Variants in ASPH observed in about 807,000 individuals in gnomAD.
The protein encoded by ASPH is aspartyl/asparaginyl beta-hydroxylase.
Under a neutral mutation model 118.4 loss-of-function variants are expected in ASPH, and 100 were observed. That is an observed-to-expected ratio of 0.84 (90% CI 0.72 to 1.00). ASPH has a LOEUF of 1.00. Among genes scored for constraint, ASPH ranks in the 50% least tolerant of loss-of-function variants. ASPH has a pLI of 0.00. For synonymous variants in ASPH, 315 were observed against 325.6 expected (o/e 0.97, Z 0.35); for missense variants, 920 against 919.5 (o/e 1.00, Z -0.01).
chr8:61,567,247 C>A lies in ASPH; in HGVS notation c.1221G>T (p.Glu407Asp), dbSNP rs777790350. 1.2e-6 allele frequency: 2 copies of A among 1,614,140 alleles called. No homozygotes were observed. Among genetic ancestry groups the A allele is most frequent in the East Asian group, 2.2e-5 (1 of 44,874 alleles). ...CAGGGACATCAGGTAGGCTGGCCAC[C>A]TCTTGGTAGGTCTCGATGGCTCCAC... ...VLRGAIETYQEVASLPDVPAD... is the reference protein window; with the variant it reads ...VLRGAIETYQDVASLPDVPAD... The change falls in exon 17 of 25, where the codon GAG (glutamate) becomes GAT (aspartate). Residue 407 changes from glutamate (E) to aspartate (D), a missense_variant. Physicochemically the swap from Glu to Asp is conservative, Grantham distance 45. Transcript: ENST00000379454.
At chr8:61,701,284 T>C (rs1482765309) in intron 1 of ASPH, among the ~76,000 whole-genome samples, 2 of 152,210 alleles carry the variant, frequency 1.3e-5, no homozygotes, top group African/African-American at 4.8e-5. Context: ...CAGGAAGGTG[T>C]TGAACATACA....
rs560886489 is a variant in ASPH, at chr8:61,581,304, C to T, written c.1062+2640G>A. Among the ~76,000 whole-genome samples the T allele has an allele frequency of 4.1e-4, 62 of 152,332 alleles. 1 individual carries two copies. The Middle Eastern group carries it at 0.027, about 67-fold the overall frequency. ...CTATTGCTCAATTCTAATTTAAAAA[C>T]TCAGCTGCAAGACACAAAATGTTTG... On this transcript the variant is annotated intron_variant, in intron 15 of 24. Coordinates refer to ENST00000379454, the MANE Select transcript of ASPH (RefSeq NM_004318.4).
At chr8:61,625,691 T>A (rs922166843) in intron 13 of ASPH, 14 of 985,060 alleles carry the variant, frequency 1.4e-5, no homozygotes, top group Non-Finnish European at 1.4e-5. Context: ...TTCAAAAGTG[T>A]TAATCTGAAC....
chr8:61,686,755 T>A (rs1287849875), intron 1 of ASPH, among the ~76,000 whole-genome samples: 2 of 151,464 alleles, frequency 1.3e-5, no homozygotes, highest in Non-Finnish European at 3.0e-5. Flanking sequence ...TCAAATTGAA[T>A]TTTTTTTTGG....
intron 3 of ASPH, among the ~76,000 whole-genome samples, chr8:61,672,291 T>C (rs1199345549): frequency 6.6e-6 from 1 of 151,460 alleles, no homozygotes; most frequent in East Asian, 1.9e-4. Flanking sequence ...CTACAGTAAG[T>C]GGGGAACGGA....
At chr8:61,535,139 C>G (rs1019004848) in intron 21 of ASPH, among the ~76,000 whole-genome samples, 5 of 152,330 alleles carry the variant, frequency 3.3e-5, no homozygotes, top group Non-Finnish European at 7.3e-5. Flanking sequence ...CAAACACAGT[C>G]TCTTAATACA....
intron 3 of ASPH, among the ~76,000 whole-genome samples, chr8:61,679,074 T>C (rs925867432): frequency 6.6e-6 from 1 of 152,154 alleles, no homozygotes; most frequent in Admixed American, 6.6e-5. Flanking sequence ...TTGCATTTCA[T>C]GCAGAGAACT....
At chr8:61,567,398 A>G in intron 16 of ASPH, 80 bp from the exon 17 acceptor site, 2 of 1,406,822 alleles carry the variant, frequency 1.4e-6, no homozygotes, top group Admixed American at 2.3e-5. Flanking sequence ...TAAAAAGTTA[A>G]CTTTTGGACA....
rs1804796310 is a variant in ASPH at position 61,500,999 on chromosome 8, CAAT to C, written c.*2357_*2359del. On this transcript the variant is annotated 3_prime_UTR_variant, in exon 25 of 25. Coordinates refer to ENST00000379454, the MANE Select transcript of ASPH (RefSeq NM_004318.4). ...AATTTTTTCCCCTATTGGTAGAGAA[CAAT>C]AACAGAAGTAATTTTTATATTATAC... 2.0e-5 allele frequency: 3 copies of C among 151,882 alleles called. No homozygotes were observed. The South Asian group carries it at 6.2e-4, about 32-fold the overall frequency. The allele number at this position is 151,882 out of a possible 1,614,324, so 9.4% of individuals were successfully genotyped here.
At chr8:61,608,811 C>T (rs1846390789) in intron 14 of ASPH, among the ~76,000 whole-genome samples, 1 of 152,102 alleles carries the variant, frequency 6.6e-6, no homozygotes, top group Non-Finnish European at 1.5e-5. Flanking sequence ...GAACTCTCCC[C>T]CATGTGATTC....
chr8:61,660,048 G>A lies in ASPH; in HGVS notation c.323-6388C>T, dbSNP rs553854077. 12 of 151,802 alleles carry A rather than the reference G, an allele frequency of 7.9e-5. No homozygotes were observed. In the South Asian group the frequency reaches 2.5e-3, roughly 32 times the overall value. 9.4% of individuals were successfully genotyped at this position (151,802 alleles called of 1,614,324 possible). On this transcript the variant is annotated intron_variant, in intron 3 of 24. Coordinates refer to ENST00000379454, the MANE Select transcript of ASPH (RefSeq NM_004318.4). ...AGGAGCACGTGCAAGTTTGCTGCAT[G>A]GGTATATTGCGTGATATTGAAATTT...
chr8:61,684,095 A>G lies in ASPH; in HGVS notation c.197T>C (p.Val66Ala), dbSNP rs761398964. Residue 66 changes from valine to alanine, a missense_variant, in exon 2 of 25, where the codon GTC becomes GCC. Val to Ala is a moderately conservative substitution (Grantham distance 64). Transcript: ENST00000379454. ...TWFMVIALLGVWTSVAVVWFD... is the reference protein window; with the variant it reads ...TWFMVIALLGAWTSVAVVWFD... ...CCAAACGACAGCTACAGATGTCCAG[A>G]CGCCCAGCAATGCAATCACCATAAA... 3.4e-5 allele frequency: 55 copies of G among 1,613,828 alleles called. No individual in the cohort carries two copies. The highest frequency in any genetic ancestry group is 4.7e-5 in the Non-Finnish European group (55 of 1,179,806).
intron 1 of ASPH, among the ~76,000 whole-genome samples, chr8:61,701,343 G>T (rs1437965765): frequency 1.3e-5 from 2 of 152,176 alleles, no homozygotes; most frequent in Non-Finnish European, 2.9e-5. Flanking sequence ...TTAAGCTAGT[G>T]AACTGTGCTC....
intron 1 of ASPH, among the ~76,000 whole-genome samples, chr8:61,690,302 T>C (rs542246333): frequency 3.3e-5 from 5 of 152,056 alleles, no homozygotes; most frequent in South Asian, 2.1e-4. Flanking sequence ...CAGGAATAAT[T>C]CCTCCAACAG....
intron 1 of ASPH, chr8:61,689,898 T>G (rs1832122637): frequency 7.8e-7 from 1 of 1,281,816 alleles, no homozygotes; most frequent in East Asian, 3.1e-5. Flanking sequence ...AGAGGCTAAA[T>G]GCTGCTAATC....
chr8:61,684,619 CT>C (rs1233784245), intron 1 of ASPH: 1 of 156,542 alleles, frequency 6.4e-6, no homozygotes, highest in Non-Finnish European at 1.4e-5. Flanking sequence ...ATATCTCCCC[CT>C]AAACCATTCC....
At chr8:61,585,374 G>A (rs1183429616) in intron 14 of ASPH, among the ~76,000 whole-genome samples, 1 of 152,174 alleles carries the variant, frequency 6.6e-6, no homozygotes, top group Non-Finnish European at 1.5e-5. Flanking sequence ...AGGGAAGGGG[G>A]CAAAGCGGGA....
chr8:61,588,858 G>A (rs960352450), intron 14 of ASPH, among the ~76,000 whole-genome samples: 10 of 152,172 alleles, frequency 6.6e-5, no homozygotes, highest in African/African-American at 1.2e-4. Flanking sequence ...CAGCCCCAAC[G>A]TAGAGAAAAC....
chr8:61,506,467 G>A (rs1021268462), intron 24 of ASPH, among the ~76,000 whole-genome samples: 5 of 152,086 alleles, frequency 3.3e-5, no homozygotes, highest in African/African-American at 4.8e-5. Flanking sequence ...TGGATAATAT[G>A]GTAAATTTTG....
Sources: allele counts gnomAD v4.1 joint callset (sites outside exome capture counted in the v4.1 genomes callset), GRCh38; gene constraint gnomAD v4.1.1; transcripts MANE v1.5; gene names NCBI Gene and HGNC (gene_info 2026-07-23, HGNC 2026-07-21).